KLF13: variants seen among roughly 807,000 people sequenced by gnomAD.
KLF13 encodes KLF transcription factor 13, also known as Krueppel-like factor 13.
Under a neutral mutation model 16.7 loss-of-function variants are expected in KLF13, and 8 were observed. The ratio of observed to expected loss-of-function variants is 0.48; its 90% confidence interval spans 0.28 to 0.87. The LOEUF (loss-of-function observed/expected upper bound fraction) is 0.87. Among genes scored for constraint, KLF13 ranks in the 40% least tolerant of loss-of-function variants. The pLI is 0.10. For missense variants in KLF13, 447 were observed against 452.2 expected (o/e 0.99, Z 0.10); for synonymous variants, 245 against 208.4 (o/e 1.18, Z -1.51).
chr15:31,377,476 G>T lies in KLF13; in HGVS notation c.*5177G>T, dbSNP rs1223831285. The T allele has an allele frequency of 6.6e-6, 1 of 152,638 alleles. No homozygotes were observed. Among genetic ancestry groups the T allele is most frequent in the African/African-American group, 2.4e-5 (1 of 41,436 alleles). The allele number at this position is 152,638 out of a possible 1,614,324, so 9.5% of individuals were successfully genotyped here. On this transcript the variant is annotated 3_prime_UTR_variant, in exon 2 of 2. Coordinates refer to ENST00000307145, the MANE Select transcript of KLF13 (RefSeq NM_015995.4). ...GCATGTGTTGGGTGCATGCTTCCGG[G>T]TCTCAGCTGCCCCAGGCCCGCACAG... is the stretch of plus-strand genomic sequence containing the variant.
Position 31,326,972 on chromosome 15 carries a change from GA to G in KLF13, c.-240del, listed in dbSNP as rs1048192481. ...CCGGCCGCCCCTGACGCCGCGCGGG[GA>G]CCCCAGTCGCCCGCGCGCCCCATGC... On this transcript the variant is annotated 5_prime_UTR_variant, in exon 1 of 2. Transcript: ENST00000307145. 1.2e-5 allele frequency: 2 copies of G among 164,910 alleles called. No individual in the cohort carries two copies. The highest frequency in any genetic ancestry group is 4.8e-5 in the African/African-American group (2 of 41,420). 10.2% of individuals were successfully genotyped at this position (164,910 alleles called of 1,614,324 possible). A position where few individuals can be genotyped will look rare whatever the true frequency, so the allele number is the denominator to read the frequency against.
intron 1 of KLF13, among the ~76,000 whole-genome samples, chr15:31,368,146 A>T (rs1404711822): frequency 6.6e-6 from 1 of 152,046 alleles, no homozygotes; most frequent in African/African-American, 2.4e-5. Flanking sequence ...TCCAGATAAG[A>T]TCACATGCAC....
At chr15:31,367,217 C>G (rs1339762466) in intron 1 of KLF13, among the ~76,000 whole-genome samples, 3 of 152,170 alleles carry the variant, frequency 2.0e-5, no homozygotes, top group African/African-American at 7.2e-5. Context: ...CCAGCCAGAC[C>G]CAGTGTTGCT....
rs368388172 is a variant in KLF13 at position 31,423,849 on chromosome 15, TA to T, written n.118-11520del. Among the ~76,000 whole-genome samples the T allele has an allele frequency of 1.2e-4, 18 of 152,240 alleles. No homozygotes were observed. The East Asian group carries it at 1.7e-3, about 15-fold the overall frequency. On this transcript the variant is annotated intron_variant and non_coding_transcript_variant, in intron 1 of 1. Transcript: ENST00000558225. ...TTGTTGGAATAAAACTAGAAATCAA[TA>T]GCAAAAGGAAAACGGGTAGATCACA...
chr15:31,350,710 A>G (rs554084905), intron 1 of KLF13, among the ~76,000 whole-genome samples: 1 of 152,352 alleles, frequency 6.6e-6, no homozygotes, highest in Admixed American at 6.5e-5. Context: ...CTCAGCTTTC[A>G]GACCTTGAAG....
rs377015380 is a variant in KLF13, at chr15:31,357,795, C to T, written c.578-14215C>T. Among the ~76,000 whole-genome samples, 16 of 152,224 alleles carry T rather than the reference C, an allele frequency of 1.1e-4. 1 individual carries two copies. The highest frequency in any genetic ancestry group is 5.9e-4 in the Admixed American group (9 of 15,290). ...AGCTGCTTTATCTGATGTTCAGGTG[C>T]CCCCCACCAACTGCACCCCCACCCC... On this transcript the variant is annotated intron_variant, in intron 1 of 1. Coordinates refer to ENST00000307145, the MANE Select transcript of KLF13 (RefSeq NM_015995.4).
Position 31,431,974 on chromosome 15 carries a change from G to A in KLF13, n.118-3396G>A, listed in dbSNP as rs111561061. Among the ~76,000 whole-genome samples, 958 of 152,334 alleles carry A rather than the reference G, an allele frequency of 6.3e-3. 12 individuals are homozygous for A. Among genetic ancestry groups the A allele is most frequent in the African/African-American group, 0.022 (922 of 41,564 alleles). On this transcript the variant is annotated intron_variant and non_coding_transcript_variant, in intron 1 of 1. Transcript: ENST00000558225. ...GTGGCAGAGATCTGGGGAAGGGCACGGGGATGGAGGAGGTGGGATACAGAT... is the reference window on the plus strand; with the variant it reads ...GTGGCAGAGATCTGGGGAAGGGCACAGGGATGGAGGAGGTGGGATACAGAT...
chr15:31,352,238 G>A (rs1347919880), intron 1 of KLF13, among the ~76,000 whole-genome samples: 1 of 152,196 alleles, frequency 6.6e-6, no homozygotes, highest in Non-Finnish European at 1.5e-5. Context: ...ATCCAGCCTT[G>A]GATGCCGGGT....
chr15:31,423,516 C>G (rs2040369360), intron 1 of KLF13, among the ~76,000 whole-genome samples: 1 of 151,914 alleles, frequency 6.6e-6, no homozygotes. Context: ...CCTGTAATCC[C>G]AGCTACTCAG....
intron 1 of KLF13, among the ~76,000 whole-genome samples, chr15:31,370,334 A>G (rs2039538884): frequency 6.6e-6 from 1 of 151,114 alleles, no homozygotes; most frequent in Non-Finnish European, 1.5e-5. Flanking sequence ...TTTTTTTCTC[A>G]TATATTTGCT....
intron 2 of KLF13, among the ~76,000 whole-genome samples, chr15:31,396,018 T>C: frequency 6.6e-6 from 1 of 152,232 alleles, no homozygotes; most frequent in Non-Finnish European, 1.5e-5. Flanking sequence ...GTTTTTTTGT[T>C]TTTCTTTCTT....
chr15:31,407,503 C>T (rs1038666446), downstream of KLF13, among the ~76,000 whole-genome samples: 1 of 152,150 alleles, frequency 6.6e-6, no homozygotes, highest in Admixed American at 6.5e-5. Context: ...AAAAATGATA[C>T]AGTAAGCTGA....
At chr15:31,365,276 A>G (rs1292884266) in intron 1 of KLF13, among the ~76,000 whole-genome samples, 2 of 152,162 alleles carry the variant, frequency 1.3e-5, no homozygotes, top group Non-Finnish European at 2.9e-5. Context: ...TTGCCTCCAG[A>G]TACACACCCA....
Position 31,327,352 on chromosome 15 carries a change from C to T in KLF13, c.140C>T (p.Pro47Leu). 1.6e-6 allele frequency: 2 copies of T among 1,280,798 alleles called. No homozygotes were observed. The highest frequency in any genetic ancestry group is 2.0e-6 in the Non-Finnish European group (2 of 1,015,886). 79.3% of individuals were successfully genotyped at this position (1,280,798 alleles called of 1,614,324 possible). Reference sequence around the variant, plus strand: ...GCCGTGGCCGCCACCCCCACGCTGCCCCGCGTCGAGGAGCGCCGCGACGGT... The same window carrying T: ...GCCGTGGCCGCCACCCCCACGCTGCTCCGCGTCGAGGAGCGCCGCGACGGT... ...GAAVAATPTLPRVEERRDGKD... is the reference protein window; with the variant it reads ...GAAVAATPTLLRVEERRDGKD... The change falls in exon 1 of 2, where the codon CCC (proline) becomes CTC (leucine). Residue 47 changes from proline (P) to leucine (L), a missense_variant. By Grantham distance (98) the Pro-to-Leu change is moderately conservative. Transcript: ENST00000307145.
At chr15:31,352,478 T>A (rs1361544052) in intron 1 of KLF13, among the ~76,000 whole-genome samples, 1 of 152,208 alleles carries the variant, frequency 6.6e-6, no homozygotes, top group Non-Finnish European at 1.5e-5. Flanking sequence ...GCCTGCCTTC[T>A]CCATGGGCCA....
intron 1 of KLF13, among the ~76,000 whole-genome samples, chr15:31,346,037 A>G (rs534306259): frequency 6.6e-6 from 1 of 152,098 alleles, no homozygotes; most frequent in African/African-American, 2.4e-5. Flanking sequence ...TGGCTCAGGC[A>G]TGCGTGAGCC....
intron 1 of KLF13, among the ~76,000 whole-genome samples, chr15:31,345,202 G>C (rs2039093043): frequency 6.6e-6 from 1 of 152,236 alleles, no homozygotes; most frequent in Non-Finnish European, 1.5e-5. Context: ...GCTGCATCGG[G>C]CTGGGATTGT....
At chr15:31,330,455 G>A (rs541220774) in intron 1 of KLF13, among the ~76,000 whole-genome samples, 5 of 152,334 alleles carry the variant, frequency 3.3e-5, no homozygotes, top group African/African-American at 1.2e-4. Context: ...ACCAGGGACC[G>A]GTTCCCAGAT....
At chr15:31,401,916 C>A (rs370331094) in intron 2 of KLF13, among the ~76,000 whole-genome samples, 1 of 152,192 alleles carries the variant, frequency 6.6e-6, no homozygotes, top group Admixed American at 6.5e-5. Flanking sequence ...GAGTGGCACG[C>A]AAGCCTGCCT....
Sources: allele counts gnomAD v4.1 joint callset (sites outside exome capture counted in the v4.1 genomes callset), GRCh38; gene constraint gnomAD v4.1.1; transcripts MANE v1.5; gene names NCBI Gene and HGNC (gene_info 2026-07-23, HGNC 2026-07-21).